Variants in PXDNL observed in about 807,000 individuals in gnomAD.
The protein encoded by PXDNL is probable oxidoreductase PXDNL.
A neutral mutation model predicts 150.8 loss-of-function variants in PXDNL; 145 were observed. The ratio of observed to expected loss-of-function variants is 0.96; its 90% CI spans 0.84 to 1.10. The LOEUF is 1.10. Among genes scored for constraint, PXDNL ranks in the 50% least tolerant of loss-of-function variants. PXDNL has a pLI of 0.00. For missense variants in PXDNL, 2,087 were observed against 1,873.9 expected (o/e 1.11, Z -2.10); for synonymous variants, 757 against 725.7 (o/e 1.04, Z -0.69).
chr8:51,443,485 A>G (rs1809602650), intron 12 of PXDNL, among the ~76,000 whole-genome samples: 1 of 152,190 alleles, frequency 6.6e-6, no homozygotes. Context: ...CTTTACTTTT[A>G]AAAATTATTG....
intron 17 of PXDNL, among the ~76,000 whole-genome samples, chr8:51,403,892 T>G (rs1356056617): frequency 2.0e-5 from 3 of 152,336 alleles, no homozygotes; most frequent in Non-Finnish European, 4.4e-5. Flanking sequence ...GTTACAGGTC[T>G]TAAAGGTGGT....
Position 51,446,990 on chromosome 8 carries a change from A to G in PXDNL, c.1525+14T>C. 6.2e-7 allele frequency: 1 copy of G among 1,613,438 alleles called. No homozygotes were observed. Among genetic ancestry groups the G allele is most frequent in the Non-Finnish European group, 8.5e-7 (1 of 1,179,500 alleles). On this transcript the variant is annotated intron_variant, in intron 12 of 22. Transcript: ENST00000356297. ...ACACTTCAGAATGTGAATATGAATC[A>G]CAGTATATATTACCTTTGGGTTTTA...
At chr8:51,767,392 C>T (rs2037243212) in intron 1 of PXDNL, among the ~76,000 whole-genome samples, 1 of 152,020 alleles carries the variant, frequency 6.6e-6, no homozygotes, top group Non-Finnish European at 1.5e-5. Flanking sequence ...TAGTGATTTT[C>T]TTGAGTGAGT....
intron 1 of PXDNL, among the ~76,000 whole-genome samples, chr8:51,780,517 CTCAG>C (rs2037400994): frequency 7.2e-6 from 1 of 139,574 alleles, no homozygotes. Context: ...TGGGGAGTTT[CTCAG>C]TCAGTTTGGG....
intron 19 of PXDNL, among the ~76,000 whole-genome samples, chr8:51,357,506 G>A (rs879714741): frequency 6.6e-6 from 1 of 152,214 alleles, no homozygotes; most frequent in Non-Finnish European, 1.5e-5. Flanking sequence ...AGTATCTGAT[G>A]TGGCTTCTTC....
intron 19 of PXDNL, among the ~76,000 whole-genome samples, chr8:51,357,097 A>G (rs1806532985): frequency 6.6e-6 from 1 of 152,212 alleles, no homozygotes; most frequent in African/African-American, 2.4e-5. Context: ...TACCCAGAAA[A>G]ACAAAAACCC....
In PXDNL at chr8:51,472,440, A is replaced by G. The variant is rs191039217; in HGVS notation, c.695-136T>C. 740 of 605,602 alleles carry G rather than the reference A, an allele frequency of 1.2e-3. 2 individuals are homozygous for G. Among genetic ancestry groups the G allele is most frequent in the Non-Finnish European group, 2.0e-3 (683 of 346,772 alleles). 37.5% of individuals were successfully genotyped at this position (605,602 alleles called of 1,614,324 possible). On this transcript the variant is annotated intron_variant, in intron 7 of 22. Transcript: ENST00000356297. ...ACACATCGAACTGCATTTACCCGGT[A>G]ATACATGTACCAGGTTAGAGATTAG...
chr8:51,359,740 G>T lies in PXDNL; in HGVS notation c.3901+12133C>A, dbSNP rs1806651125. Among the ~76,000 whole-genome samples the T allele has an allele frequency of 2.0e-5, 3 of 152,054 alleles. No individual in the cohort carries two copies. The South Asian group carries it at 6.2e-4, about 32-fold the overall frequency. ...TATTCTGCTCTAATTCTGAACAAAA[G>T]ATCTTACGGAATCCCATTAAAAAAG... On this transcript the variant is annotated intron_variant, in intron 19 of 22. Coordinates refer to ENST00000356297, the MANE Select transcript of PXDNL (RefSeq NM_144651.5).
chr8:51,568,327 T>C (rs1446712109), intron 3 of PXDNL, among the ~76,000 whole-genome samples: 1 of 151,832 alleles, frequency 6.6e-6, no homozygotes, highest in Non-Finnish European at 1.5e-5. Context: ...TCAATTCTTA[T>C]TTGTCTAAGA....
intron 2 of PXDNL, among the ~76,000 whole-genome samples, chr8:51,616,422 C>T (rs1041986760): frequency 1.1e-4 from 17 of 152,148 alleles, no homozygotes; most frequent in Non-Finnish European, 5.9e-5. Context: ...GGGCCAAAAA[C>T]TAAACTGAAG....
In PXDNL at chr8:51,598,186, G is replaced by C. The variant is rs184843287; in HGVS notation, c.237-5488C>G. Among the ~76,000 whole-genome samples the C allele has an allele frequency of 2.4e-4, 37 of 152,260 alleles. 1 individual carries two copies. The highest frequency in any genetic ancestry group is 1.5e-3 in the Admixed American group (23 of 15,290). The stretch of plus-strand genomic sequence containing the variant: ...TAAAATCATATTGTCCACAAAGAGA[G>C]GTAGTTTGACTTTTTTTCCTATTTT... On this transcript the variant is annotated intron_variant, in intron 2 of 22. Coordinates refer to ENST00000356297, the MANE Select transcript of PXDNL (RefSeq NM_144651.5).
At chr8:51,380,300 C>G (rs1469373618) in intron 17 of PXDNL, among the ~76,000 whole-genome samples, 1 of 152,172 alleles carries the variant, frequency 6.6e-6, no homozygotes, top group East Asian at 1.9e-4. Flanking sequence ...CTACCATGTT[C>G]CTCTTGGCCA....
intron 1 of PXDNL, among the ~76,000 whole-genome samples, chr8:51,795,435 T>C (rs977560152): frequency 6.6e-6 from 1 of 152,180 alleles, no homozygotes; most frequent in African/African-American, 2.4e-5. Flanking sequence ...ACTGAAATCA[T>C]AGCAAACAGT....
chr8:51,486,753 TATATATATATATATA>T (rs1563433285), intron 5 of PXDNL, among the ~76,000 whole-genome samples: 440 of 21,784 alleles, frequency 0.02, 5 homozygotes, highest in Middle Eastern at 0.067. Context: ...AAAAAGTTTA[TATATATATATATATA>T]TATATATATA....
chr8:51,385,173 C>T (rs1807661332), intron 17 of PXDNL, among the ~76,000 whole-genome samples: 1 of 152,090 alleles, frequency 6.6e-6, no homozygotes, highest in African/African-American at 2.4e-5. Flanking sequence ...TTTGCTTTCT[C>T]CACTGGTTAC....
chr8:51,383,235 G>A (rs1807601611), intron 17 of PXDNL, among the ~76,000 whole-genome samples: 1 of 152,132 alleles, frequency 6.6e-6, no homozygotes, highest in East Asian at 1.9e-4. Flanking sequence ...CTCTTCTTTT[G>A]TGGTTATAAT....
At chr8:51,430,098 T>C (rs1809215067) in intron 12 of PXDNL, among the ~76,000 whole-genome samples, 1 of 152,206 alleles carries the variant, frequency 6.6e-6, no homozygotes, top group African/African-American at 2.4e-5. Context: ...TATCGCCAGC[T>C]GCTTTCACCT....
chr8:51,742,753 A>T (rs1344491976), intron 1 of PXDNL, among the ~76,000 whole-genome samples: 1 of 152,150 alleles, frequency 6.6e-6, no homozygotes, highest in Admixed American at 6.5e-5. Flanking sequence ...TTTCATGGAC[A>T]GTGACTGTTT....
intron 17 of PXDNL, among the ~76,000 whole-genome samples, chr8:51,380,248 T>C (rs1259696665): frequency 6.6e-6 from 1 of 152,214 alleles, no homozygotes; most frequent in Non-Finnish European, 1.5e-5. Flanking sequence ...TTGGACAAGT[T>C]TGCTTTATAG....
Sources: allele counts gnomAD v4.1 joint callset (sites outside exome capture counted in the v4.1 genomes callset), GRCh38; gene constraint gnomAD v4.1.1; transcripts MANE v1.5; gene names NCBI Gene and HGNC (gene_info 2026-07-23, HGNC 2026-07-21).